ADARB2: variants seen among roughly 807,000 people sequenced by gnomAD.
ADARB2 encodes the protein inactive double-stranded RNA-specific editase B2.
ADARB2 carries 25 observed loss-of-function variants against 62.2 expected under a neutral mutation model. The observed-to-expected ratio is 0.40, with a 90% CI of 0.29 to 0.56. The LOEUF is 0.56. ADARB2 is among the 20% of genes least tolerant of loss of function. The pLI is 0.43. For missense variants in ADARB2, 1,071 were observed against 1,077.4 expected, an observed-to-expected ratio of 0.99 and a Z score of 0.08; for synonymous variants, 572 against 500.8, an observed-to-expected ratio of 1.14 and a Z score of -1.90.
intron 1 of ADARB2, among the ~76,000 whole-genome samples, chr10:1,413,622 G>A (rs984063989): frequency 1.3e-5 from 2 of 152,098 alleles, no homozygotes; most frequent in African/African-American, 2.4e-5. Context: ...AAGCGCAGCC[G>A]TGAACCCTAG....
chr10:1,600,491 G>C (rs537540193), intron 1 of ADARB2, among the ~76,000 whole-genome samples: 1 of 151,860 alleles, frequency 6.6e-6, no homozygotes, highest in African/African-American at 2.4e-5. Context: ...CGAAAGCCCC[G>C]TCTCTACTAA....
intron 1 of ADARB2, chr10:1,395,064 G>A (rs1832599988): frequency 1.6e-5 from 7 of 440,774 alleles, no homozygotes; most frequent in South Asian, 8.1e-5. Context: ...CTACAGATGC[G>A]TGCCACCATA....
intron 3 of ADARB2, among the ~76,000 whole-genome samples, chr10:1,359,895 G>A (rs747686773): frequency 3.9e-5 from 6 of 152,230 alleles, no homozygotes; most frequent in East Asian, 1.9e-4. Context: ...GTCTAAACAC[G>A]CCACTCAGAT....
chr10:1,463,503 C>G (rs1020885626), intron 1 of ADARB2, among the ~76,000 whole-genome samples: 2 of 152,166 alleles, frequency 1.3e-5, no homozygotes, highest in South Asian at 4.1e-4. Flanking sequence ...TTAAGAAGCG[C>G]GCGTATTCAT....
chr10:1,214,053 C>T (rs1837197330), intron 7 of ADARB2, among the ~76,000 whole-genome samples: 2 of 150,220 alleles, frequency 1.3e-5, no homozygotes, highest in Non-Finnish European at 3.0e-5. Flanking sequence ...TGCACCTGTA[C>T]CCGGACCTGC....
At chr10:1,719,770 C>T (rs952306354) in intron 1 of ADARB2, among the ~76,000 whole-genome samples, 13 of 152,164 alleles carry the variant, frequency 8.5e-5, no homozygotes, top group Admixed American at 2.6e-4. Flanking sequence ...GACAAACATG[C>T]GATCCACAAG....
intron 1 of ADARB2, among the ~76,000 whole-genome samples, chr10:1,417,199 C>A (rs1290928046): frequency 1.3e-5 from 2 of 151,712 alleles, no homozygotes; most frequent in East Asian, 3.9e-4. Flanking sequence ...TTAAGACAGT[C>A]AAGAAGTGTA....
intron 2 of ADARB2, among the ~76,000 whole-genome samples, chr10:1,373,010 C>A (rs1832386351): frequency 6.6e-6 from 1 of 152,102 alleles, no homozygotes; most frequent in African/African-American, 2.4e-5. Flanking sequence ...AATGGAAAAC[C>A]ATCCCATGCT....
At chr10:1,625,133 C>T (rs972884545) in intron 1 of ADARB2, among the ~76,000 whole-genome samples, 4 of 152,184 alleles carry the variant, frequency 2.6e-5, no homozygotes, top group Non-Finnish European at 5.9e-5. Context: ...GAATTATTGA[C>T]GAGTCCTGAG....
At chr10:1,482,668 A>G (rs1261416152) in intron 1 of ADARB2, among the ~76,000 whole-genome samples, 1 of 152,230 alleles carries the variant, frequency 6.6e-6, no homozygotes, top group Non-Finnish European at 1.5e-5. Context: ...ATTTTGTATT[A>G]TGTGTATTTT....
At chr10:1,215,369 C>G (rs891801960) in intron 7 of ADARB2, among the ~76,000 whole-genome samples, 1 of 152,220 alleles carries the variant, frequency 6.6e-6, no homozygotes, top group Non-Finnish European at 1.5e-5. Context: ...CTCCCCAGAT[C>G]GTGCTGTGGT....
At chr10:1,333,757 G>C (rs1440412349) in intron 3 of ADARB2, among the ~76,000 whole-genome samples, 1 of 152,192 alleles carries the variant, frequency 6.6e-6, no homozygotes, top group Non-Finnish European at 1.5e-5. Flanking sequence ...TGGGGCCGAT[G>C]GTGAGAGGAG....
chr10:1,732,865 ATT>A (rs1210646463), intron 1 of ADARB2, among the ~76,000 whole-genome samples: 1 of 152,210 alleles, frequency 6.6e-6, no homozygotes, highest in East Asian at 1.9e-4. Flanking sequence ...TGCTCGACTT[ATT>A]TTGTTCCTTT....
intron 1 of ADARB2, among the ~76,000 whole-genome samples, chr10:1,644,342 C>T (rs1363150574): frequency 6.6e-6 from 1 of 152,228 alleles, no homozygotes; most frequent in African/African-American, 2.4e-5. Flanking sequence ...TGTCCCCGGG[C>T]GTCTTTCTTA....
At chr10:1,386,297 T>C in intron 1 of ADARB2, among the ~76,000 whole-genome samples, 1 of 151,932 alleles carries the variant, frequency 6.6e-6, no homozygotes, top group East Asian at 1.9e-4. Flanking sequence ...AGCAATATGG[T>C]ACACTTAAAT....
At chr10:1,375,759 T>C (rs780294177) in intron 2 of ADARB2, among the ~76,000 whole-genome samples, 27 of 151,982 alleles carry the variant, frequency 1.8e-4, no homozygotes, top group Non-Finnish European at 2.9e-4. Context: ...GCCACACACA[T>C]GCACACACGC....
chr10:1,284,240 T>G (rs75643400), intron 3 of ADARB2, among the ~76,000 whole-genome samples: 3,973 of 152,242 alleles, frequency 0.026, 62 homozygotes, highest in Middle Eastern at 0.048. Flanking sequence ...TGAGGGACCC[T>G]GACCGGCAGG....
chr10:1,726,257 A>G (rs1342301302), intron 1 of ADARB2, among the ~76,000 whole-genome samples: 1 of 152,236 alleles, frequency 6.6e-6, no homozygotes, highest in East Asian at 1.9e-4. Context: ...AGAGAAAAGG[A>G]ACAGACGATA....
At position 1,609,362 on chromosome 10, in the gene ADARB2, C is replaced by T. The variant is rs546186765; in HGVS notation, c.100+127689G>A. ...AGCGGGTTTGTCTCCCTGATTAACT[C>T]TTTGCTGCCCTGGTGCCAGGAGGCT... is the stretch of plus-strand genomic sequence containing the variant. On this transcript the variant is annotated intron_variant, in intron 1 of 9. Coordinates refer to ENST00000381312, the MANE Select transcript of ADARB2 (RefSeq NM_018702.4). Among the ~76,000 whole-genome samples the T allele has an allele frequency of 3.3e-4, 51 of 152,356 alleles. 1 individual carries two copies. In the East Asian group the frequency reaches 8.9e-3, roughly 27 times the overall value.
Sources: allele counts gnomAD v4.1 joint callset (sites outside exome capture counted in the v4.1 genomes callset), GRCh38; gene constraint gnomAD v4.1.1; transcripts MANE v1.5; gene names NCBI Gene and HGNC (gene_info 2026-07-23, HGNC 2026-07-21).